The following PARK7 variants were observed in gnomAD, a reference collection of about 807,000 sequenced individuals.
PARK7 encodes the protein Parkinson disease protein 7.
Under a neutral mutation model 20.5 loss-of-function variants are expected in PARK7, and 14 were observed. The observed-to-expected ratio is 0.68, with a 90% CI of 0.45 to 1.07. PARK7 has a LOEUF of 1.07. PARK7 is among the 50% of genes least tolerant of loss of function. The pLI, the probability that PARK7 is intolerant of heterozygous loss-of-function variation, is 0.00. For synonymous variants in PARK7, 98 were observed against 84.3 expected (o/e 1.16, Z -0.89); for missense variants, 234 against 238.1 (o/e 0.98, Z 0.11).
chr1:7,966,028 T>C (rs111760563), intron 3 of PARK7, among the ~76,000 whole-genome samples: 4,496 of 152,214 alleles, frequency 0.03, 220 homozygotes, highest in African/African-American at 0.1. Context: ...GTTTTTTCAG[T>C]ATCGTTGGAA....
At chr1:7,972,640 A>G (rs1385254261) in intron 5 of PARK7, among the ~76,000 whole-genome samples, 1 of 152,242 alleles carries the variant, frequency 6.6e-6, no homozygotes, top group Non-Finnish European at 1.5e-5. Context: ...ACAGTGGCGC[A>G]TGCCTGTAAT....
rs1640297803 is a variant in PARK7, at chr1:7,965,189, C to G, written c.91-135C>G. 2.1e-5 allele frequency: 16 copies of G among 760,108 alleles called. 1 individual carries two copies. The South Asian group carries it at 2.4e-4, about 12-fold the overall frequency. 47.1% of individuals were successfully genotyped at this position (760,108 alleles called of 1,614,324 possible). ...CCCAGGAGCTGGAGGCTGCAGTAAG[C>G]TATGATTGTGTCACTGCCCTCTAGC... On this transcript the variant is annotated intron_variant, in intron 2 of 6. Transcript: ENST00000338639.
intron 6 of PARK7, among the ~76,000 whole-genome samples, chr1:7,983,686 T>C (rs1325742150): frequency 1.3e-5 from 2 of 152,228 alleles, no homozygotes; most frequent in African/African-American, 2.4e-5. Flanking sequence ...CTTTGCACTC[T>C]GGACAGTTAG....
intron 5 of PARK7, among the ~76,000 whole-genome samples, chr1:7,973,584 C>T (rs543459763): frequency 1.2e-4 from 19 of 152,108 alleles, no homozygotes; most frequent in African/African-American, 2.2e-4. Flanking sequence ...CGTGGTGGCG[C>T]GTGCCTGTAA....
Position 7,968,758 on chromosome 1 carries a change from C to A in PARK7, c.193-587C>A, listed in dbSNP as rs149339369. Among the ~76,000 whole-genome samples the A allele has an allele frequency of 2.5e-3, 385 of 152,298 alleles. 3 individuals carry two copies. The highest frequency in any genetic ancestry group is 8.8e-3 in the African/African-American group (365 of 41,556). On this transcript the variant is annotated intron_variant, in intron 3 of 6. Coordinates refer to ENST00000338639, the MANE Select transcript of PARK7 (RefSeq NM_007262.5). The stretch of plus-strand genomic sequence containing the variant: ...TCTCGAACTCCTGAGCTCAGGTAAT[C>A]TTCCTGCCTTGGCCTCCCAAAGTGC...
At chr1:7,982,091 C>T (rs1640724448) in intron 6 of PARK7, among the ~76,000 whole-genome samples, 1 of 149,190 alleles carries the variant, frequency 6.7e-6, no homozygotes, top group African/African-American at 2.5e-5. Flanking sequence ...TCTCCTGTCT[C>T]AGCCTCCTGA....
chr1:7,974,153 C>CA (rs1441383849), intron 5 of PARK7, among the ~76,000 whole-genome samples: 3 of 145,968 alleles, frequency 2.1e-5, no homozygotes, highest in East Asian at 2.0e-4. Context: ...CCGACCTCTA[C>CA]AAAAAAATAT....
intron 6 of PARK7, among the ~76,000 whole-genome samples, chr1:7,983,976 C>T (rs1246791117): frequency 6.6e-6 from 1 of 152,108 alleles, no homozygotes; most frequent in Non-Finnish European, 1.5e-5. Flanking sequence ...ATCAATGCTG[C>T]GAGGGCAGTA....
intron 3 of PARK7, chr1:7,968,978 G>T: frequency 5.5e-6 from 1 of 182,178 alleles, no homozygotes; most frequent in African/African-American, 2.4e-5. Context: ...GTCTTCCTTT[G>T]TCTGTGACTA....
chr1:7,983,770 C>T (rs752698448), intron 6 of PARK7, among the ~76,000 whole-genome samples: 1 of 152,184 alleles, frequency 6.6e-6, no homozygotes, highest in African/African-American at 2.4e-5. Flanking sequence ...GAGATCCTTC[C>T]CCTTTAAAGC....
rs1640301985 is a variant in PARK7, at chr1:7,965,361, C to A, written c.128C>A (p.Pro43Gln). Reference protein sequence around the residue: ...VTVAGLAGKDPVQCSRDVVIC... With the variant: ...VTVAGLAGKDQVQCSRDVVIC... Reference sequence around the variant, plus strand: ...GTTGCAGGCCTGGCTGGAAAAGACCCAGTACAGTGTAGCCGTGATGTGGTC... The same window carrying A: ...GTTGCAGGCCTGGCTGGAAAAGACCAAGTACAGTGTAGCCGTGATGTGGTC... Residue 43 changes from proline (P) to glutamine (Q), a missense_variant, in exon 3 of 7, where the codon CCA becomes CAA. By Grantham distance (76) the Pro-to-Gln change is moderately conservative (BLOSUM62 -1). Coordinates refer to ENST00000338639, the MANE Select transcript of PARK7 (RefSeq NM_007262.5). 1 of 1,614,042 alleles carries A rather than the reference C, an allele frequency of 6.2e-7. No homozygotes were observed. The highest frequency in any genetic ancestry group is 1.1e-5 in the South Asian group (1 of 91,084).
At chr1:7,983,201 GGAA>G (rs1309115748) in intron 6 of PARK7, among the ~76,000 whole-genome samples, 1 of 152,244 alleles carries the variant, frequency 6.6e-6, no homozygotes, top group Non-Finnish European at 1.5e-5. Flanking sequence ...AACAGAAGAA[GGAA>G]GAAGAGAAAG....
intron 5 of PARK7, among the ~76,000 whole-genome samples, chr1:7,973,104 A>C (rs187633437): frequency 7.2e-5 from 11 of 152,352 alleles, no homozygotes; most frequent in African/African-American, 2.4e-4. Flanking sequence ...CCCACATAAA[A>C]GCTAAAGGGA....
rs376764963 is a variant in PARK7, at chr1:7,983,873, C to A, written c.410-1021C>A. On this transcript the variant is annotated intron_variant, in intron 6 of 6. Coordinates refer to ENST00000338639, the MANE Select transcript of PARK7 (RefSeq NM_007262.5). ...GGTGCCTCCTGTGTGCCATGGATAT[C>A]ATTGGCCAGACAGGGACTGATGAAG... Among the ~76,000 whole-genome samples the A allele has an allele frequency of 3.3e-5, 5 of 152,318 alleles. No individual in the cohort carries two copies. In the East Asian group the frequency reaches 9.6e-4, roughly 29 times the overall value.
Position 7,984,554 on chromosome 1 carries a change from C to T in PARK7, c.410-340C>T, listed in dbSNP as rs529365784. 6.6e-5 allele frequency among the ~76,000 whole-genome samples: 10 copies of T among 152,284 alleles called. No homozygotes were observed. The highest frequency in any genetic ancestry group is 2.0e-4 in the Admixed American group (3 of 15,292). ...GCTGCCGCATCCCTTCACCCTTCCC[C>T]GGCACTTCAGAATTGACACTTGAGC... On this transcript the variant is annotated intron_variant, in intron 6 of 6. Transcript: ENST00000338639. The surrounding 1 kb of genome is among the most constrained non-coding windows in gnomAD (Gnocchi z 4.3).
rs34231723 is a variant in PARK7, at chr1:7,977,985, C to CTTTT, written c.409+273_409+276dup. On this transcript the variant is annotated intron_variant, in intron 6 of 6. Coordinates refer to ENST00000338639, the MANE Select transcript of PARK7 (RefSeq NM_007262.5). ...ATGTTGGTCAGGCTGGTCTCAAACT[C>CTTTT]TTTTTTTTTTTTTTTTTTTTTTTTT... is the stretch of plus-strand genomic sequence containing the variant. 2.2e-3 allele frequency among the ~76,000 whole-genome samples: 120 copies of CTTTT among 53,574 alleles called. 31 individuals carry two copies. In the East Asian group the frequency reaches 0.057, roughly 25 times the overall value. 35.1% of individuals were successfully genotyped at this position (53,574 alleles called of 152,430 possible).
intron 3 of PARK7, among the ~76,000 whole-genome samples, chr1:7,966,216 C>G (rs1340210401): frequency 6.6e-6 from 1 of 152,106 alleles, no homozygotes; most frequent in African/African-American, 2.4e-5. Context: ...AGTCGGCTCA[C>G]AGATGGCTGG....
chr1:7,984,427 A>G lies in PARK7; in HGVS notation c.410-467A>G, dbSNP rs1246637656. ...GGTTTCTACCTGCACACGCACACTC[A>G]CATGCATACCCGCCTCCATTACGTT... On this transcript the variant is annotated intron_variant, in intron 6 of 6. Transcript: ENST00000338639. The surrounding 1 kb of genome is among the most constrained non-coding windows in gnomAD (Gnocchi z 4.3). Among the ~76,000 whole-genome samples the G allele has an allele frequency of 2.0e-5, 3 of 152,244 alleles. No individual in the cohort carries two copies. Among genetic ancestry groups the G allele is most frequent in the African/African-American group, 7.2e-5 (3 of 41,466 alleles).
At chr1:7,968,395 T>G (rs1039796605) in intron 3 of PARK7, among the ~76,000 whole-genome samples, 1 of 152,110 alleles carries the variant, frequency 6.6e-6, no homozygotes, top group African/African-American at 2.4e-5. Flanking sequence ...TTTCAGGAAG[T>G]TTGAAATTAA....
Sources: allele counts gnomAD v4.1 joint callset (sites outside exome capture counted in the v4.1 genomes callset), GRCh38; gene constraint gnomAD v4.1.1; non-coding constraint Gnocchi (gnomAD v3.1); transcripts MANE v1.5; gene names NCBI Gene and HGNC (gene_info 2026-07-23, HGNC 2026-07-21).